Variants in DENND1A observed in about 807,000 individuals in gnomAD.
DENND1A encodes DENN domain containing 1A.
In DENND1A, 51 loss-of-function variants were observed where a neutral mutation model predicts 113.7. The observed-to-expected ratio is 0.45, with a 90% CI of 0.36 to 0.57. The LOEUF is 0.57. Among genes scored for constraint, DENND1A ranks in the 20% least tolerant of loss-of-function variants. DENND1A has a pLI of 0.00. For missense variants in DENND1A, 1,258 were observed against 1,395.9 expected (o/e 0.90, Z 1.57); for synonymous variants, 565 against 570.8 (o/e 0.99, Z 0.14).
chr9:123,576,947 T>C (rs1366022292), intron 12 of DENND1A, among the ~76,000 whole-genome samples: 3 of 152,208 alleles, frequency 2.0e-5, no homozygotes, highest in Non-Finnish European at 4.4e-5. Flanking sequence ...TCAAAATGTA[T>C]CTTTGTGTGG....
chr9:123,758,068 T>G (rs562001511), intron 4 of DENND1A, among the ~76,000 whole-genome samples: 1 of 152,094 alleles, frequency 6.6e-6, no homozygotes, highest in African/African-American at 2.4e-5. Flanking sequence ...TTCTCCTTAC[T>G]GAGTTCAGTC....
At position 123,765,274 on chromosome 9, in the gene DENND1A, T is replaced by C. The variant is rs190600081; in HGVS notation, c.182+4240A>G. Among the ~76,000 whole-genome samples the C allele has an allele frequency of 2.0e-5, 3 of 152,302 alleles. No homozygotes were observed. In the East Asian group the frequency reaches 5.8e-4, roughly 29 times the overall value. ...CAAATGAGGGTTCTGCAAGCAGCTA[T>C]ACCACTAACTGGTAGTGAGACCTTG... is the stretch of plus-strand genomic sequence containing the variant. On this transcript the variant is annotated intron_variant, in intron 4 of 23. Transcript: ENST00000394215.
chr9:123,412,912 G>A (rs1263566232), intron 19 of DENND1A, among the ~76,000 whole-genome samples: 2 of 152,216 alleles, frequency 1.3e-5, no homozygotes, highest in Non-Finnish European at 2.9e-5. Flanking sequence ...TCTGGTCCAC[G>A]TTAAGATGTG....
At chr9:123,437,846 A>G (rs2046639116) in intron 19 of DENND1A, 1 of 152,160 alleles carries the variant, frequency 6.6e-6, no homozygotes, top group Non-Finnish European at 1.5e-5. Context: ...TTGGTTTCCA[A>G]AAAAAGAGAA....
intron 12 of DENND1A, among the ~76,000 whole-genome samples, chr9:123,566,534 C>G (rs890948171): frequency 6.6e-6 from 1 of 152,142 alleles, no homozygotes; most frequent in African/African-American, 2.4e-5. Context: ...ACAAAAGCAT[C>G]AATTATCATT....
At chr9:123,709,315 A>C (rs2066432080) in intron 5 of DENND1A, among the ~76,000 whole-genome samples, 2 of 152,072 alleles carry the variant, frequency 1.3e-5, no homozygotes, top group Admixed American at 6.5e-5. Flanking sequence ...GTGAGAAGGT[A>C]TGTTCTTTGT....
At chr9:123,720,730 G>C (rs775844881) in intron 5 of DENND1A, among the ~76,000 whole-genome samples, 4 of 152,156 alleles carry the variant, frequency 2.6e-5, no homozygotes, top group Non-Finnish European at 5.9e-5. Context: ...TCTTATCTAT[G>C]GCAATTTCTG....
chr9:123,384,160 C>G (rs2042437221), intron 22 of DENND1A, among the ~76,000 whole-genome samples: 1 of 152,130 alleles, frequency 6.6e-6, no homozygotes, highest in Non-Finnish European at 1.5e-5. Context: ...CTCAGGGGAC[C>G]CATTTAGTGC....
In DENND1A at chr9:123,750,691, C is replaced by A. The variant is rs1034089385; in HGVS notation, c.302+7012G>T. On this transcript the variant is annotated intron_variant, in intron 5 of 23. Coordinates refer to ENST00000394215, the MANE Select transcript of DENND1A (RefSeq NM_001352964.2). The stretch of plus-strand genomic sequence containing the variant: ...ACAGTTCCAGAGAGACAGAAACACT[C>A]AAAAGGCAAAGGAAAGTCCTCTGTT... Among the ~76,000 whole-genome samples, 3 of 152,188 alleles carry A rather than the reference C, an allele frequency of 2.0e-5. No homozygotes were observed. In the East Asian group the frequency reaches 5.8e-4, roughly 29 times the overall value.
intron 6 of DENND1A, among the ~76,000 whole-genome samples, chr9:123,673,522 G>A (rs1410146499): frequency 6.6e-6 from 1 of 152,142 alleles, no homozygotes; most frequent in African/African-American, 2.4e-5. Context: ...CCCAGAATCA[G>A]GTTATTTCTT....
At chr9:123,468,131 T>TG (rs555921422) in intron 13 of DENND1A, among the ~76,000 whole-genome samples, 117 of 152,238 alleles carry the variant, frequency 7.7e-4, no homozygotes, top group Non-Finnish European at 1.2e-3. Context: ...AGTGGCAGAT[T>TG]GGGGGGTTCC....
intron 10 of DENND1A, among the ~76,000 whole-genome samples, chr9:123,613,476 T>G (rs1471924817): frequency 6.6e-6 from 1 of 152,242 alleles, no homozygotes; most frequent in Non-Finnish European, 1.5e-5. Flanking sequence ...CTAGAAGTGA[T>G]CTTCCTGTTT....
At chr9:123,680,988 G>A (rs1433393867) in intron 5 of DENND1A, among the ~76,000 whole-genome samples, 1 of 152,116 alleles carries the variant, frequency 6.6e-6, no homozygotes. Context: ...GGGCAACCTG[G>A]TGTTAGAGTC....
rs539326826 is a variant in DENND1A, at chr9:123,818,265, C to T, written c.89-25635G>A. On this transcript the variant is annotated intron_variant, in intron 2 of 23. Coordinates refer to ENST00000394215, the MANE Select transcript of DENND1A (RefSeq NM_001352964.2). ...GACTACAGGCGCCTGCCACCACACC[C>T]GGCTAATTTTTTGTATTTTTAGTAC... 2.7e-3 allele frequency among the ~76,000 whole-genome samples: 405 copies of T among 151,564 alleles called. 1 individual carries two copies. The highest frequency in any genetic ancestry group is 4.0e-3 in the Non-Finnish European group (273 of 67,846).
chr9:123,682,291 A>T (rs1383977807), intron 5 of DENND1A, among the ~76,000 whole-genome samples: 2 of 152,356 alleles, frequency 1.3e-5, no homozygotes, highest in East Asian at 3.9e-4. Flanking sequence ...TAGATGATAC[A>T]ATGAAGCAGT....
chr9:123,710,900 T>A (rs2066540126), intron 5 of DENND1A, among the ~76,000 whole-genome samples: 1 of 152,058 alleles, frequency 6.6e-6, no homozygotes. Context: ...CTCAAACCCC[T>A]GATCTCACAT....
chr9:123,534,362 T>C (rs2055561154), intron 13 of DENND1A, among the ~76,000 whole-genome samples: 1 of 152,250 alleles, frequency 6.6e-6, no homozygotes, highest in Non-Finnish European at 1.5e-5. Flanking sequence ...CTAAGATACA[T>C]TCATGTTGTT....
intron 18 of DENND1A, among the ~76,000 whole-genome samples, chr9:123,441,597 C>T (rs564550922): frequency 6.6e-6 from 1 of 152,204 alleles, no homozygotes; most frequent in South Asian, 2.1e-4. Context: ...GCTGACTATA[C>T]ACGTGGGTCA....
At chr9:123,612,506 A>G (rs2060462824) in intron 10 of DENND1A, among the ~76,000 whole-genome samples, 1 of 152,218 alleles carries the variant, frequency 6.6e-6, no homozygotes, top group South Asian at 2.1e-4. Context: ...ACAGCTTTAT[A>G]TCTTTGAAAT....
Sources: gnomAD v4.1 joint callset for allele counts (sites outside exome capture counted in the v4.1 genomes callset) on GRCh38, gnomAD v4.1.1 for gene constraint, MANE v1.5 for transcripts, NCBI Gene and HGNC (gene_info 2026-07-23, HGNC 2026-07-21) for gene names.